Variants in NEUROD4 observed in about 807,000 individuals in gnomAD.
NEUROD4 encodes the protein neurogenic differentiation factor 4.
In NEUROD4, 16 loss-of-function variants were observed where a neutral mutation model predicts 19.8. The observed-to-expected ratio is 0.81, with a 90% CI of 0.55 to 1.23. The LOEUF (loss-of-function observed/expected upper bound fraction) is 1.23, where lower values mean the gene tolerates loss of function less well. Ranked by LOEUF, NEUROD4 falls within the 50% of genes most tolerant of loss-of-function variation. The pLI is 0.00. For missense variants in NEUROD4, 439 were observed against 398.6 expected (o/e 1.10, Z -0.86); for synonymous variants, 153 against 147.9 (o/e 1.03, Z -0.25).
rs150110756 is a variant in NEUROD4, at chr12:55,026,294, T to C, written c.-9-137T>C. ...ATACTATGCCATAACTAAAGGAGTA[T>C]TCTGGGAATTTCTTTCAGTTTTGGA... On this transcript the variant is annotated intron_variant, in intron 1 of 1. Coordinates refer to ENST00000242994, the MANE Select transcript of NEUROD4 (RefSeq NM_021191.3). The C allele has an allele frequency of 6.0e-4, 377 of 626,730 alleles. No homozygotes were observed. The African/African-American group carries it at 6.1e-3, about 10-fold the overall frequency. 38.8% of individuals were successfully genotyped at this position (626,730 alleles called of 1,614,324 possible). A position where few individuals can be genotyped will look rare whatever the true frequency, so the allele number is the denominator to read the frequency against.
chr12:55,027,087 T>C lies in NEUROD4; in HGVS notation c.648T>C (p.His216=). 7 of 1,614,182 alleles carry C rather than the reference T, an allele frequency of 4.3e-6. No homozygotes were observed. Among genetic ancestry groups the C allele is most frequent in the South Asian group, 1.1e-5 (1 of 91,088 alleles). ...SPGLPSPPYG[H]METHLLHLKP... is the part of the protein sequence containing the mutation. ...GGCTTCCTAGCCCTCCTTATGGTCA[T>C]ATGGAAACACATCTCCTTCATCTCA... The change falls in exon 2 of 2, where the codon CAT becomes CAC. Residue 216 remains histidine (H), a synonymous_variant. Coordinates refer to ENST00000242994, the MANE Select transcript of NEUROD4 (RefSeq NM_021191.3).
At chr12:55,020,924 T>A (rs1170267162) in intron 1 of NEUROD4, among the ~76,000 whole-genome samples, 1 of 152,182 alleles carries the variant, frequency 6.6e-6, no homozygotes, top group East Asian at 1.9e-4. Context: ...AAAAAGATTG[T>A]CCAAGTATAT....
rs750742175 is a variant in NEUROD4, at chr12:55,027,056, C to A, written c.617C>A (p.Ser206Tyr). Residue 206 changes from serine to tyrosine, a missense_variant, in exon 2 of 2, where the codon TCT (serine) becomes TAT (tyrosine). Physicochemically the swap from Ser to Tyr is moderately radical, Grantham distance 144. Transcript: ENST00000242994. The stretch of plus-strand genomic sequence containing the variant: ...TCTGTCCACAACTTCAACTATCAGT[C>A]TCCGGGGCTTCCTAGCCCTCCTTAT... The part of the protein sequence containing the change: ...AISVHNFNYQ[S>Y]PGLPSPPYGH... 3 of 1,614,132 alleles carry A rather than the reference C, an allele frequency of 1.9e-6. No homozygotes were observed. The highest frequency in any genetic ancestry group is 2.5e-6 in the Non-Finnish European group (3 of 1,180,000).
In NEUROD4 at chr12:55,027,681, A is replaced by G; in HGVS notation, c.*246A>G. The G allele has an allele frequency of 2.4e-6, 1 of 422,734 alleles. No individual in the cohort carries two copies. Among genetic ancestry groups the G allele is most frequent in the Non-Finnish European group, 4.3e-6 (1 of 231,162 alleles). 26.2% of individuals were successfully genotyped at this position (422,734 alleles called of 1,614,324 possible). ...TTTAACAACCATGTGAAAATAGAAC[A>G]GAAGACCTGGGCCCTATTCCAGTGG... On this transcript the variant is annotated 3_prime_UTR_variant, in exon 2 of 2. Coordinates refer to ENST00000242994, the MANE Select transcript of NEUROD4 (RefSeq NM_021191.3).
Position 55,026,531 on chromosome 12 carries a change from T to C in NEUROD4, c.92T>C (p.Val31Ala). The C allele has an allele frequency of 6.2e-7, 1 of 1,613,704 alleles. No homozygotes were observed. The highest frequency in any genetic ancestry group is 1.3e-5 in the African/African-American group (1 of 74,896). Residue 31 changes from valine to alanine, a missense_variant, in exon 2 of 2, where the codon GTG becomes GCG. Physicochemically the swap from Val to Ala is moderately conservative, Grantham distance 64. Transcript: ENST00000242994. ...AAAGGTCTGGGCTCCCAAAATGAGG[T>C]GAAGGAGGAAGAGAGCAGACCAGGT... ...MDKGLGSQNE[V>A]KEEESRPGTY... is the part of the protein sequence containing the mutation.
chr12:55,023,941 A>C (rs1857764), intron 1 of NEUROD4, among the ~76,000 whole-genome samples: 69,963 of 152,022 alleles, frequency 0.46, 19,136 homozygotes, highest in African/African-American at 0.76. Flanking sequence ...CAGATCTTAA[A>C]AAGAGTCCAG....
intron 1 of NEUROD4, among the ~76,000 whole-genome samples, chr12:55,024,302 T>C (rs1174125736): frequency 6.6e-6 from 1 of 152,090 alleles, no homozygotes; most frequent in Non-Finnish European, 1.5e-5. Context: ...AAACCTAAGA[T>C]GTAAAATAAG....
chr12:55,027,280 C>A lies in NEUROD4; in HGVS notation c.841C>A (p.Pro281Thr), dbSNP rs1374745200. 6 of 1,613,978 alleles carry A rather than the reference C, an allele frequency of 3.7e-6. No homozygotes were observed. The highest frequency in any genetic ancestry group is 5.1e-6 in the Non-Finnish European group (6 of 1,180,012). The change falls in exon 2 of 2, where the codon CCA (proline) becomes ACA (threonine). Residue 281 changes from proline (P) to threonine (T), a missense_variant. Pro to Thr is a conservative substitution (Grantham distance 38, BLOSUM62 -1). Coordinates refer to ENST00000242994, the MANE Select transcript of NEUROD4 (RefSeq NM_021191.3). ...CCTAGAAAAATCCTACAGCTTCATG[C>A]CACATTACCCTTCTTCAAGTCTAAG... ...PDLEKSYSFM[P>T]HYPSSSLSSG...
Position 55,029,635 on chromosome 12 carries a change from G to GA in NEUROD4, c.*2206dup, listed in dbSNP as rs955565332. On this transcript the variant is annotated 3_prime_UTR_variant, in exon 2 of 2. Coordinates refer to ENST00000242994, the MANE Select transcript of NEUROD4 (RefSeq NM_021191.3). ...GCTGAGTTTTGGAGTGAGGGGAAAG[G>GA]AAAAAATAGAGAATTACCTCTGTGA... is the stretch of plus-strand genomic sequence containing the variant. The GA allele has an allele frequency of 6.0e-6, 1 of 166,824 alleles. No homozygotes were observed. Among genetic ancestry groups the GA allele is most frequent in the Non-Finnish European group, 1.5e-5 (1 of 68,046 alleles). The allele number at this position is 166,824 out of a possible 1,614,324, so 10.3% of individuals were successfully genotyped here. A position where few individuals can be genotyped will look rare whatever the true frequency, so the allele number is the denominator to read the frequency against.
At chr12:55,023,381 T>C (rs865851181) in intron 1 of NEUROD4, among the ~76,000 whole-genome samples, 33 of 152,164 alleles carry the variant, frequency 2.2e-4, no homozygotes, top group African/African-American at 8.0e-4. Context: ...ATAGATTAGA[T>C]AAGAAAACCC....
Position 55,028,748 on chromosome 12 carries a change from T to C in NEUROD4, c.*1313T>C, listed in dbSNP as rs1952761953. ...CATTTCAGGTGACCAAACTTAAGGA[T>C]GCAGAAATGAAATCCAAGGTTGGTG... On this transcript the variant is annotated 3_prime_UTR_variant, in exon 2 of 2. Coordinates refer to ENST00000242994, the MANE Select transcript of NEUROD4 (RefSeq NM_021191.3). The C allele has an allele frequency of 6.0e-6, 1 of 167,074 alleles. No individual in the cohort carries two copies. The highest frequency in any genetic ancestry group is 2.1e-4 in the South Asian group (1 of 4,836). The allele number at this position is 167,074 out of a possible 1,614,324, so 10.3% of individuals were successfully genotyped here.
At position 55,022,605 on chromosome 12, in the gene NEUROD4, T is replaced by C. The variant is rs1469674472; in HGVS notation, c.-10+2292T>C. Among the ~76,000 whole-genome samples the C allele has an allele frequency of 2.0e-5, 3 of 152,274 alleles. 1 individual carries two copies. The highest frequency in any genetic ancestry group is 2.0e-4 in the Admixed American group (3 of 15,300). On this transcript the variant is annotated intron_variant, in intron 1 of 1. Coordinates refer to ENST00000242994, the MANE Select transcript of NEUROD4 (RefSeq NM_021191.3). Reference sequence around the variant, plus strand: ...TTGTATTCGCAATACAGAAGGTTCATGAATCTGAAAATGTATGTGATTGAA... The same window carrying C: ...TTGTATTCGCAATACAGAAGGTTCACGAATCTGAAAATGTATGTGATTGAA...
At position 55,027,391 on chromosome 12, in the gene NEUROD4, C is replaced by A; in HGVS notation, c.952C>A (p.His318Asn). 1.2e-6 allele frequency: 2 copies of A among 1,613,368 alleles called. No individual in the cohort carries two copies. The highest frequency in any genetic ancestry group is 1.7e-6 in the Non-Finnish European group (2 of 1,179,528). ...AGACATGTCCTATGATTCCTACCCC[C>A]ATCATGGTATTGGGACCCAACTCAA... is the stretch of plus-strand genomic sequence containing the variant. The part of the protein sequence containing the change: ...PIDMSYDSYP[H>N]HGIGTQLNTV... The change falls in exon 2 of 2, where the codon CAT (histidine) becomes AAT (asparagine). Residue 318 changes from histidine to asparagine, a missense_variant. His to Asn is a moderately conservative substitution (Grantham distance 68). Coordinates refer to ENST00000242994, the MANE Select transcript of NEUROD4 (RefSeq NM_021191.3).
At position 55,026,564 on chromosome 12, in the gene NEUROD4, G is replaced by C; in HGVS notation, c.125G>C (p.Gly42Ala). ...KEEESRPGTY[G>A]MLSSLTEEHD... ...GAAGAGAGCAGACCAGGTACTTATG[G>C]GATGCTCAGCAGCTTAACTGAAGAG... Residue 42 changes from glycine (G) to alanine (A), a missense_variant, in exon 2 of 2, where the codon GGG becomes GCG. Gly to Ala is a moderately conservative substitution (Grantham distance 60). Coordinates refer to ENST00000242994, the MANE Select transcript of NEUROD4 (RefSeq NM_021191.3). 1 of 1,613,968 alleles carries C rather than the reference G, an allele frequency of 6.2e-7. No homozygotes were observed. Among genetic ancestry groups the C allele is most frequent in the Non-Finnish European group, 8.5e-7 (1 of 1,179,972 alleles).
rs1418164642 is a variant in NEUROD4 at position 55,028,658 on chromosome 12, C to T, written c.*1223C>T. ...ATATATGTAGTTCCTTATCTCTCCC[C>T]CTACACTAATTGTTACCTCTTCCTC... On this transcript the variant is annotated 3_prime_UTR_variant, in exon 2 of 2. Coordinates refer to ENST00000242994, the MANE Select transcript of NEUROD4 (RefSeq NM_021191.3). The T allele has an allele frequency of 6.0e-6, 1 of 166,966 alleles. No individual in the cohort carries two copies. Among genetic ancestry groups the T allele is most frequent in the African/African-American group, 2.4e-5 (1 of 41,414 alleles). The allele number at this position is 166,966 out of a possible 1,614,324, so 10.3% of individuals were successfully genotyped here. A position where few individuals can be genotyped will look rare whatever the true frequency, so the allele number is the denominator to read the frequency against.
rs1393947862 is a variant in NEUROD4, at chr12:55,027,269, A to G, written c.830A>G (p.Tyr277Cys). The change falls in exon 2 of 2, where the codon TAC becomes TGC. Residue 277 changes from tyrosine to cysteine, a missense_variant. Physicochemically the swap from Tyr to Cys is radical, Grantham distance 194. Transcript: ENST00000242994. ...QDGSPDLEKS[Y>C]SFMPHYPSSS... is the part of the protein sequence containing the mutation. The stretch of plus-strand genomic sequence containing the variant: ...GGGTCTCCTGACCTAGAAAAATCCT[A>G]CAGCTTCATGCCACATTACCCTTCT... 2.5e-6 allele frequency: 4 copies of G among 1,614,016 alleles called. No homozygotes were observed. In the South Asian group the frequency reaches 4.4e-5, roughly 18 times the overall value.
rs746499610 is a variant in NEUROD4, at chr12:55,026,517, C to A, written c.78C>A (p.Gly26=). ...CATCCTGGATGGATAAAGGTCTGGG[C>A]TCCCAAAATGAGGTGAAGGAGGAAG... ...NTPSWMDKGL[G]SQNEVKEEES... The change falls in exon 2 of 2, where the codon GGC becomes GGA. Residue 26 remains glycine, a synonymous_variant. Transcript: ENST00000242994. 5 of 1,613,854 alleles carry A rather than the reference C, an allele frequency of 3.1e-6. No individual in the cohort carries two copies. The highest frequency in any genetic ancestry group is 1.3e-5 in the African/African-American group (1 of 74,890).
In NEUROD4 at chr12:55,026,504, A is replaced by G. The variant is rs765100149; in HGVS notation, c.65A>G (p.Asp22Gly). Residue 22 changes from aspartate to glycine, a missense_variant, in exon 2 of 2, where the codon GAT (aspartate) becomes GGT (glycine). Transcript: ENST00000242994. ...CTAGTCAACACACCATCCTGGATGG[A>G]TAAAGGTCTGGGCTCCCAAAATGAG... is the stretch of plus-strand genomic sequence containing the variant. ...GELVNTPSWM[D>G]KGLGSQNEVK... 1.9e-6 allele frequency: 3 copies of G among 1,614,076 alleles called. No homozygotes were observed. In the East Asian group the frequency reaches 6.7e-5, roughly 36 times the overall value.
chr12:55,026,811 C>A lies in NEUROD4; in HGVS notation c.372C>A (p.Ser124=). 3.7e-6 allele frequency: 6 copies of A among 1,614,116 alleles called. No homozygotes were observed. Among genetic ancestry groups the A allele is most frequent in the Non-Finnish European group, 5.1e-6 (6 of 1,180,004 alleles). The part of the protein sequence containing the change: ...MPCYSKTQKL[S]KIETLRLARN... ...GCTACTCTAAAACCCAAAAACTTTC[C>A]AAGATAGAGACTCTTAGACTGGCCA... is the stretch of plus-strand genomic sequence containing the variant. The change falls in exon 2 of 2, where the codon TCC becomes TCA. Residue 124 remains serine, a synonymous_variant. Transcript: ENST00000242994.
Sources: allele counts gnomAD v4.1 joint callset (sites outside exome capture counted in the v4.1 genomes callset), GRCh38; gene constraint gnomAD v4.1.1; transcripts MANE v1.5; gene names NCBI Gene and HGNC (gene_info 2026-07-23, HGNC 2026-07-21).